Variants in ZC3H13 observed in about 807,000 individuals in gnomAD.
ZC3H13 encodes the protein zinc finger CCCH domain-containing protein 13.
ZC3H13 carries 64 observed loss-of-function variants against 204.1 expected under a neutral mutation model. The observed-to-expected ratio is 0.31, with a 90% confidence interval of 0.26 to 0.39. ZC3H13 has a LOEUF of 0.39. Ranked by LOEUF, ZC3H13 falls within the 10% of genes least tolerant of loss-of-function variation. The pLI is 1.00. For synonymous variants in ZC3H13, 667 were observed against 693.7 expected (o/e 0.96, Z 0.60); for missense variants, 1,833 against 2,082.7 (o/e 0.88, Z 2.33).
At chr13:45,996,879 AAAG>A (rs1285346582) in intron 8 of ZC3H13, among the ~76,000 whole-genome samples, 1 of 152,228 alleles carries the variant, frequency 6.6e-6, no homozygotes, top group Non-Finnish European at 1.5e-5. Context: ...AATTATGAAT[AAAG>A]AAGAAGAAAT....
chr13:45,983,415 T>TATATATATATATATATATA (rs1212615990), intron 10 of ZC3H13, among the ~76,000 whole-genome samples: 1 of 10,984 alleles, frequency 9.1e-5, no homozygotes, highest in Non-Finnish European at 1.4e-4. Flanking sequence ...ATATATATAT[T>TATATATATATATATATATA]TTTTTTTTTT....
chr13:45,992,808 G>GAAGGTT (rs1370708258), intron 8 of ZC3H13, among the ~76,000 whole-genome samples: 2 of 152,116 alleles, frequency 1.3e-5, no homozygotes, highest in Non-Finnish European at 2.9e-5. Flanking sequence ...AAAGGTGAAG[G>GAAGGTT]AAGGTTACAT....
At position 45,954,883 on chromosome 13, in the gene ZC3H13, T is replaced by C. The variant is rs1352882762; in HGVS notation, c.*2244A>G. On this transcript the variant is annotated 3_prime_UTR_variant, in exon 19 of 19. Transcript: ENST00000679008. ...TCAGCATATCAAGTTACTACTTAGG[T>C]ATGCTTACAAAACTTTGTTAAATAA... 1.3e-5 allele frequency: 2 copies of C among 152,220 alleles called. No individual in the cohort carries two copies. The highest frequency in any genetic ancestry group is 4.8e-5 in the African/African-American group (2 of 41,450). The allele number at this position is 152,220 out of a possible 1,614,324, so 9.4% of individuals were successfully genotyped here.
At chr13:46,036,082 A>G (rs1039042811) in intron 4 of ZC3H13, among the ~76,000 whole-genome samples, 1 of 151,386 alleles carries the variant, frequency 6.6e-6, no homozygotes, top group African/African-American at 2.4e-5. Context: ...TGGGAGGTGG[A>G]GGCTACAGTG....
intron 4 of ZC3H13, among the ~76,000 whole-genome samples, chr13:46,029,755 A>T (rs1218584903): frequency 6.6e-6 from 1 of 152,138 alleles, no homozygotes; most frequent in African/African-American, 2.4e-5. Flanking sequence ...AACTCATTCT[A>T]TGAGGTCAGC....
At chr13:46,048,305 C>T (rs937482306) in intron 1 of ZC3H13, among the ~76,000 whole-genome samples, 30 of 152,036 alleles carry the variant, frequency 2.0e-4, no homozygotes, top group Non-Finnish European at 3.5e-4. Flanking sequence ...TCGCCGGGCG[C>T]GGTGGCTCAC....
chr13:46,034,327 T>A (rs1377558930), intron 4 of ZC3H13, among the ~76,000 whole-genome samples: 1 of 152,168 alleles, frequency 6.6e-6, no homozygotes, highest in African/African-American at 2.4e-5. Context: ...CAAAAACATA[T>A]ATACACATGT....
At chr13:46,021,295 TC>T (rs2042202648) in intron 4 of ZC3H13, among the ~76,000 whole-genome samples, 1 of 151,994 alleles carries the variant, frequency 6.6e-6, no homozygotes, top group African/African-American at 2.4e-5. Context: ...CAAAATTAAT[TC>T]AGATTATAAA....
At chr13:45,999,951 A>T (rs1211243322) in intron 8 of ZC3H13, among the ~76,000 whole-genome samples, 1 of 152,236 alleles carries the variant, frequency 6.6e-6, no homozygotes, top group Non-Finnish European at 1.5e-5. Flanking sequence ...AAACAGGCAC[A>T]TCATAAACAA....
intron 5 of ZC3H13, among the ~76,000 whole-genome samples, chr13:46,016,466 A>C (rs183770618): frequency 3.4e-3 from 519 of 152,296 alleles, no homozygotes; most frequent in Non-Finnish European, 5.7e-3. Flanking sequence ...TTAACAAAAG[A>C]AGCTAGGCAC....
chr13:46,032,804 A>C lies in ZC3H13; in HGVS notation c.339+9360T>G, dbSNP rs183123161. Among the ~76,000 whole-genome samples, 475 of 152,296 alleles carry C rather than the reference A, an allele frequency of 3.1e-3. 2 individuals carry two copies. The highest frequency in any genetic ancestry group is 0.011 in the African/African-American group (457 of 41,580). On this transcript the variant is annotated intron_variant, in intron 4 of 18. Coordinates refer to ENST00000679008, the MANE Select transcript of ZC3H13 (RefSeq NM_001330564.2). ...CCATACAATCATACAATGAAATACTATGTAACTATAAAAAAGCTTAAGATA... is the reference window on the plus strand; with the variant it reads ...CCATACAATCATACAATGAAATACTCTGTAACTATAAAAAAGCTTAAGATA...
chr13:46,028,408 T>C (rs1337020745), intron 4 of ZC3H13, among the ~76,000 whole-genome samples: 1 of 152,190 alleles, frequency 6.6e-6, no homozygotes, highest in Non-Finnish European at 1.5e-5. Flanking sequence ...AATGGAAAGA[T>C]TCAGCAGGAA....
At chr13:46,036,049 G>A (rs755262201) in intron 4 of ZC3H13, among the ~76,000 whole-genome samples, 12 of 151,986 alleles carry the variant, frequency 7.9e-5, no homozygotes, top group Non-Finnish European at 1.5e-4. Flanking sequence ...TTTGGAGGCT[G>A]AGGCAGGAGG....
rs1039143418 is a variant in ZC3H13, at chr13:46,009,794, A to C, written c.746+554T>G. ...TTATAAAGAATTCAATCTCTTGATA[A>C]TATATACTGAAAGACAAAAATTTTT... On this transcript the variant is annotated intron_variant, in intron 7 of 18. Transcript: ENST00000679008. Among the ~76,000 whole-genome samples the C allele has an allele frequency of 3.9e-5, 6 of 152,144 alleles. No individual in the cohort carries two copies. The South Asian group carries it at 1.2e-3, about 31-fold the overall frequency.
At chr13:45,993,465 T>C (rs555411088) in intron 8 of ZC3H13, among the ~76,000 whole-genome samples, 1 of 152,252 alleles carries the variant, frequency 6.6e-6, no homozygotes, top group East Asian at 1.9e-4. Context: ...GGGATCTTGA[T>C]GTATAAGAAT....
intron 7 of ZC3H13, among the ~76,000 whole-genome samples, chr13:46,004,270 G>A (rs372305420): frequency 3.5e-5 from 5 of 143,480 alleles, no homozygotes; most frequent in East Asian, 2.1e-4. Flanking sequence ...TTTAGGTTGG[G>A]CATGGTGTAA....
At chr13:46,017,348 A>G (rs1227566782) in intron 5 of ZC3H13, among the ~76,000 whole-genome samples, 2 of 152,106 alleles carry the variant, frequency 1.3e-5, no homozygotes, top group Non-Finnish European at 2.9e-5. Flanking sequence ...TCATTCTCCC[A>G]TGAGTAGATA....
chr13:45,988,937 G>A lies in ZC3H13; in HGVS notation c.1105C>T (p.Arg369Cys), dbSNP rs767226410. ...YQRTLTPPLR[R>C]SASPYPSHSL... is the part of the protein sequence containing the mutation. ...TGTGAAGGATAAGGAGAGGCAGAGC[G>A]TCGTAAAGGTGGAGTTAGTGTCCGC... The change falls in exon 9 of 19, where the codon CGC (arginine) becomes TGC (cysteine). Residue 369 changes from arginine (R) to cysteine (C), a missense_variant. Arg to Cys is a radical substitution (Grantham distance 180). Around this residue, in one of 5 missense-constraint regions of ZC3H13, gnomAD observed 1,574 missense variants for 1,757.2 expected, o/e 0.90. Coordinates refer to ENST00000679008, the MANE Select transcript of ZC3H13 (RefSeq NM_001330564.2). The A allele has an allele frequency of 1.7e-5, 28 of 1,614,004 alleles. No homozygotes were observed. Among genetic ancestry groups the A allele is most frequent in the South Asian group, 8.8e-5 (8 of 91,078 alleles).
intron 10 of ZC3H13, among the ~76,000 whole-genome samples, chr13:45,983,738 T>C (rs1335114886): frequency 1.3e-5 from 2 of 152,214 alleles, no homozygotes; most frequent in Non-Finnish European, 2.9e-5. Flanking sequence ...CTTCTACTTA[T>C]ATTTAACACT....
Sources: allele counts gnomAD v4.1 joint callset (sites outside exome capture counted in the v4.1 genomes callset), GRCh38; gene constraint gnomAD v4.1.1; regional missense constraint gnomAD v4.1.1; transcripts MANE v1.5; gene names NCBI Gene and HGNC (gene_info 2026-07-23, HGNC 2026-07-21).